The following KLHL1 variants were observed in gnomAD, a reference collection of about 807,000 sequenced individuals.
The protein encoded by KLHL1 is kelch like family member 1, also known as kelch-like protein 1.
KLHL1 carries 47 observed loss-of-function variants against 77.7 expected under a neutral mutation model. The observed-to-expected ratio is 0.60, with a 90% confidence interval of 0.48 to 0.77. The LOEUF (loss-of-function observed/expected upper bound fraction) is 0.77, where lower values mean the gene tolerates loss of function less well. Among genes scored for constraint, KLHL1 ranks in the 30% least tolerant of loss-of-function variants. KLHL1 has a pLI of 0.00. For synonymous variants in KLHL1, 360 were observed against 325.2 expected (o/e 1.11, Z -1.15); for missense variants, 925 against 910.8 (o/e 1.02, Z -0.20).
chr13:69,925,086 G>A (rs1330228760), intron 4 of KLHL1, among the ~76,000 whole-genome samples: 2 of 152,212 alleles, frequency 1.3e-5, no homozygotes, highest in African/African-American at 2.4e-5. Flanking sequence ...CACAGGCTGA[G>A]TGGGTCCAGC....
chr13:69,733,230 TAAA>T (rs148855155), intron 8 of KLHL1, among the ~76,000 whole-genome samples: 2,056 of 148,672 alleles, frequency 0.014, 41 homozygotes, highest in African/African-American at 0.047. Context: ...ATATGAAAGA[TAAA>T]AAAAAAATCA....
chr13:69,904,056 A>C (rs1272342940), intron 4 of KLHL1, among the ~76,000 whole-genome samples: 2 of 152,010 alleles, frequency 1.3e-5, no homozygotes, highest in African/African-American at 4.8e-5. Flanking sequence ...CCTATATATT[A>C]TTATATTAAT....
At chr13:69,994,421 C>T (rs1015681207) in intron 1 of KLHL1, among the ~76,000 whole-genome samples, 1 of 152,222 alleles carries the variant, frequency 6.6e-6, no homozygotes, top group African/African-American at 2.4e-5. Context: ...AAAACCCTCA[C>T]CAGGATTTTA....
chr13:69,965,414 AG>A (rs758883724), intron 2 of KLHL1, among the ~76,000 whole-genome samples: 16 of 152,156 alleles, frequency 1.1e-4, no homozygotes, highest in Non-Finnish European at 2.1e-4. Context: ...TACCTATATC[AG>A]ACAATAAACT....
chr13:69,833,850 C>T (rs1878870785), intron 6 of KLHL1, among the ~76,000 whole-genome samples: 1 of 141,036 alleles, frequency 7.1e-6, no homozygotes, highest in Non-Finnish European at 1.5e-5. Flanking sequence ...TATACACACA[C>T]ATATATACAC....
intron 2 of KLHL1, among the ~76,000 whole-genome samples, chr13:69,963,592 C>T (rs375360679): frequency 2.2e-4 from 34 of 152,212 alleles, no homozygotes; most frequent in Admixed American, 1.9e-3. Context: ...AAACAAGCTG[C>T]ACAGCAGATG....
At chr13:70,093,937 T>G (rs1324938520) in intron 1 of KLHL1, among the ~76,000 whole-genome samples, 1 of 152,152 alleles carries the variant, frequency 6.6e-6, no homozygotes, top group East Asian at 1.9e-4. Flanking sequence ...AAGTAAGAAT[T>G]TCATGATGAT....
At chr13:69,824,010 A>G (rs576924681) in intron 6 of KLHL1, among the ~76,000 whole-genome samples, 1 of 152,100 alleles carries the variant, frequency 6.6e-6, no homozygotes, top group Admixed American at 6.6e-5. Context: ...GTGCATATAT[A>G]TATGTATATA....
At position 70,108,217 on chromosome 13, in the gene KLHL1, C is replaced by T. The variant is rs1888125939; in HGVS notation, c.-518G>A. 1 of 393,750 alleles carries T rather than the reference C, an allele frequency of 2.5e-6. No homozygotes were observed. Among genetic ancestry groups the T allele is most frequent in the Non-Finnish European group, 4.5e-6 (1 of 223,762 alleles). 24.4% of individuals were successfully genotyped at this position (393,750 alleles called of 1,614,324 possible). A position where few individuals can be genotyped will look rare whatever the true frequency, so the allele number is the denominator to read the frequency against. ...CGCAGAGAGAAAGAGCCCCAAGTCT[C>T]GAGGAAGCGTACCCCTCGCCAGATC... On this transcript the variant is annotated 5_prime_UTR_variant, in exon 1 of 11. Transcript: ENST00000377844.
At chr13:69,857,488 T>C (rs952200528) in intron 5 of KLHL1, among the ~76,000 whole-genome samples, 2 of 152,066 alleles carry the variant, frequency 1.3e-5, no homozygotes, top group Non-Finnish European at 2.9e-5. Context: ...GAGTTGACAT[T>C]AATGTATGGT....
chr13:69,752,266 T>A (rs1874519626), intron 7 of KLHL1, among the ~76,000 whole-genome samples: 1 of 152,110 alleles, frequency 6.6e-6, no homozygotes, highest in South Asian at 2.1e-4. Context: ...ATTGAAGGAA[T>A]CAGTTAAAGA....
intron 1 of KLHL1, among the ~76,000 whole-genome samples, chr13:70,077,528 A>C (rs1887293436): frequency 6.6e-6 from 1 of 151,314 alleles, no homozygotes; most frequent in South Asian, 2.1e-4. Flanking sequence ...ATAATACATG[A>C]AATTATGCAT....
In KLHL1 at chr13:70,075,823, A is replaced by G. The variant is rs554551991; in HGVS notation, c.497+31380T>C. Among the ~76,000 whole-genome samples, 15 of 149,272 alleles carry G rather than the reference A, an allele frequency of 1.0e-4. No homozygotes were observed. The South Asian group carries it at 1.0e-3, about 10-fold the overall frequency. ...GCAGGATATGATTTTGGCTAATGAA[A>G]GTCAATTGCTTTCCTATACACCAGC... On this transcript the variant is annotated intron_variant, in intron 1 of 10. Transcript: ENST00000377844.
intron 6 of KLHL1, among the ~76,000 whole-genome samples, chr13:69,803,475 A>G (rs1413783667): frequency 6.6e-6 from 1 of 152,218 alleles, no homozygotes; most frequent in Non-Finnish European, 1.5e-5. Flanking sequence ...AGTGGGTAGA[A>G]TTTAAAAAAT....
At chr13:69,716,184 TTCTC>T (rs1876112733) in intron 9 of KLHL1, among the ~76,000 whole-genome samples, 1 of 152,186 alleles carries the variant, frequency 6.6e-6, no homozygotes, top group South Asian at 2.1e-4. Flanking sequence ...CTTCTATAAT[TTCTC>T]TATCAATTCA....
chr13:69,777,468 A>G (rs1324765093), intron 7 of KLHL1, among the ~76,000 whole-genome samples: 1 of 152,190 alleles, frequency 6.6e-6, no homozygotes, highest in East Asian at 1.9e-4. Flanking sequence ...TTATCCTTAT[A>G]TCTCTTGTAC....
At chr13:70,001,137 T>C (rs895041657) in intron 1 of KLHL1, among the ~76,000 whole-genome samples, 1 of 151,168 alleles carries the variant, frequency 6.6e-6, no homozygotes, top group African/African-American at 2.4e-5. Flanking sequence ...ATTTTAGAGA[T>C]ATTGTTATGG....
intron 4 of KLHL1, among the ~76,000 whole-genome samples, chr13:69,904,632 C>T (rs1211553201): frequency 6.6e-6 from 1 of 152,094 alleles, no homozygotes; most frequent in Non-Finnish European, 1.5e-5. Flanking sequence ...ATCTATGTGG[C>T]CATTCATGAT....
At chr13:69,908,409 A>G (rs926349563) in intron 4 of KLHL1, among the ~76,000 whole-genome samples, 3 of 151,710 alleles carry the variant, frequency 2.0e-5, no homozygotes, top group African/African-American at 7.3e-5. Context: ...TGACAAAAAA[A>G]GTTCCTGAAA....
Sources: gnomAD v4.1 joint callset for allele counts (sites outside exome capture counted in the v4.1 genomes callset) on GRCh38, gnomAD v4.1.1 for gene constraint, MANE v1.5 for transcripts, NCBI Gene and HGNC (gene_info 2026-07-23, HGNC 2026-07-21) for gene names.